Variants in CTSV observed in about 807,000 individuals in gnomAD.
CTSV encodes cathepsin L2.
CTSV carries 33 observed loss-of-function variants against 35.6 expected under a neutral mutation model. That is an observed-to-expected ratio of 0.93 (90% confidence interval 0.70 to 1.24). CTSV has a LOEUF of 1.24. CTSV is among the 50% of genes most tolerant of loss of function. The pLI is 0.00. For missense variants in CTSV, 408 were observed against 413.1 expected, an observed-to-expected ratio of 0.99 and a Z score of 0.11; for synonymous variants, 154 against 147.1, an observed-to-expected ratio of 1.05 and a Z score of -0.34.
Position 97,034,810 on chromosome 9 carries a change from T to G in CTSV, c.821A>C (p.Asn274Thr). ...AACCACCAGAACACCATGATCCAGG[T>G]TTTTGCTGCTGCAGTCTGGTTCAAA... is the stretch of plus-strand genomic sequence containing the variant. ...IYFEPDCSSK[N>T]LDHGVLVVGY... Residue 274 changes from asparagine (N) to threonine (T), a missense_variant, in exon 7 of 8, where the codon AAC becomes ACC. Physicochemically the swap from Asn to Thr is moderately conservative, Grantham distance 65. Coordinates refer to ENST00000259470, the MANE Select transcript of CTSV (RefSeq NM_001333.4). 6.2e-7 allele frequency: 1 copy of G among 1,613,976 alleles called. No individual in the cohort carries two copies.
At position 97,029,703 on chromosome 9, in the gene CTSV, T is replaced by C. The variant is rs1437314330; in HGVS notation, c.*3246A>G. ...TGCAGCTTAGTAATAGTTTTACTTA[T>C]TAACTTACTTAAAAAGAGATAATGA... On this transcript the variant is annotated 3_prime_UTR_variant, in exon 8 of 8. Transcript: ENST00000259470. 2 of 152,238 alleles carry C rather than the reference T, an allele frequency of 1.3e-5. No individual in the cohort carries two copies. Among genetic ancestry groups the C allele is most frequent in the African/African-American group, 4.8e-5 (2 of 41,468 alleles). The allele number at this position is 152,238 out of a possible 1,614,324, so 9.4% of individuals were successfully genotyped here. A position where few individuals can be genotyped will look rare whatever the true frequency, so the allele number is the denominator to read the frequency against.
At chr9:97,036,273 G>C (rs1828848199) in intron 5 of CTSV, 1 of 499,290 alleles carries the variant, frequency 2.0e-6, no homozygotes, top group African/African-American at 1.9e-5. Flanking sequence ...GGGTTTCACT[G>C]TGTTAGCCAG....
chr9:97,031,654 T>A lies in CTSV; in HGVS notation c.*1295A>T, dbSNP rs1213846515. On this transcript the variant is annotated 3_prime_UTR_variant, in exon 8 of 8. Transcript: ENST00000259470. Reference sequence around the variant, plus strand: ...TATATGCTTAGCCTTTTTCCCCCCATTTTGAGTTTATTTTTAATTCAGGGA... The same window carrying A: ...TATATGCTTAGCCTTTTTCCCCCCAATTTGAGTTTATTTTTAATTCAGGGA... 6.6e-6 allele frequency: 1 copy of A among 152,120 alleles called. No individual in the cohort carries two copies. Among genetic ancestry groups the A allele is most frequent in the Admixed American group, 6.5e-5 (1 of 15,268 alleles). 9.4% of individuals were successfully genotyped at this position (152,120 alleles called of 1,614,324 possible). A position where few individuals can be genotyped will look rare whatever the true frequency, so the allele number is the denominator to read the frequency against.
At chr9:97,038,104 A>G (rs1433418301) in intron 1 of CTSV, 51 bp from the exon 2 acceptor site, 11 of 1,538,996 alleles carry the variant, frequency 7.1e-6, no homozygotes, top group Non-Finnish European at 9.8e-6. Context: ...CTAAAAAGCC[A>G]TCTTACAGCC....
intron 2 of CTSV, 115 bp from the exon 3 acceptor site, chr9:97,037,730 T>C (rs563886938): frequency 1.4e-6 from 2 of 1,471,250 alleles, no homozygotes; most frequent in South Asian, 1.3e-5. Context: ...GGGTTGATAC[T>C]TCTCTGGGAG....
chr9:97,034,755 A>T lies in CTSV; in HGVS notation c.876T>A (p.Asn292Lys), dbSNP rs761976907. ...VGYGFEGANSNNSKYWLVKNS... is the reference protein window; with the variant it reads ...VGYGFEGANSKNSKYWLVKNS... ...TTTTGACGAGCCAATACTTGCTGTT[A>T]TTCGAATTTGCTCCTTCAAAGCCGT... The change falls in exon 7 of 8, where the codon AAT becomes AAA. Residue 292 changes from asparagine (N) to lysine (K), a missense_variant. Coordinates refer to ENST00000259470, the MANE Select transcript of CTSV (RefSeq NM_001333.4). 113 of 1,613,938 alleles carry T rather than the reference A, an allele frequency of 7.0e-5. No individual in the cohort carries two copies. Among genetic ancestry groups the T allele is most frequent in the Non-Finnish European group, 8.8e-5 (104 of 1,179,954 alleles).
rs1388413182 is a variant in CTSV at position 97,033,045 on chromosome 9, C to T, written c.909G>A (p.Trp303Ter). The T allele has an allele frequency of 6.2e-7, 1 of 1,607,788 alleles. No homozygotes were observed. Among genetic ancestry groups the T allele is most frequent in the Non-Finnish European group, 8.5e-7 (1 of 1,177,588 alleles). Residue 303 changes from tryptophan to a stop codon, truncating the protein, a stop_gained, in exon 8 of 8, where the codon TGG (tryptophan) becomes TGA (stop). Transcript: ENST00000259470. LOFTEE classifies it low-confidence loss of function (END_TRUNC). Reference sequence around the variant, plus strand: ...AGCCATTCGAGCCCCATTCTGGACCCCAGCTGAAAGAGGAGCAGGTTTTCC... The same window carrying T: ...AGCCATTCGAGCCCCATTCTGGACCTCAGCTGAAAGAGGAGCAGGTTTTCC... ...NSKYWLVKNS[W>*]GPEWGSNGYV...
chr9:97,037,440 TTGG>T (rs776011445), intron 3 of CTSV, 42 bp from the exon 4 acceptor site: 1 of 1,613,740 alleles, frequency 6.2e-7, no homozygotes, highest in East Asian at 2.2e-5. Context: ...CAAGACTATT[TTGG>T]TGAAGAACTG....
intron 7 of CTSV, among the ~76,000 whole-genome samples, chr9:97,034,012 A>G (rs1391035628): frequency 6.6e-6 from 1 of 152,110 alleles, no homozygotes; most frequent in African/African-American, 2.4e-5. Flanking sequence ...CAGGAGAATC[A>G]CTTGAACTCA....
chr9:97,037,640 G>C, intron 2 of CTSV, 25 bp from the exon 3 acceptor site: 1 of 1,611,608 alleles, frequency 6.2e-7, no homozygotes, highest in Non-Finnish European at 8.5e-7. Context: ...ATAGCTGGTG[G>C]ACTTTATGTC....
At position 97,033,058 on chromosome 9, in the gene CTSV, GAGC is replaced by G; in HGVS notation, c.906-13_906-11del. The G allele has an allele frequency of 6.3e-7, 1 of 1,596,350 alleles. No homozygotes were observed. The highest frequency in any genetic ancestry group is 1.1e-5 in the South Asian group (1 of 88,710). On this transcript the variant is annotated splice_polypyrimidine_tract_variant and intron_variant, in intron 7 of 7. Transcript: ENST00000259470. ...CCATTCTGGACCCCAGCTGAAAGAG[GAGC>G]AGGTTTTCCATTTTATACAAGGAAT...
intron 7 of CTSV, among the ~76,000 whole-genome samples, 199 bp from the exon 8 acceptor site, chr9:97,033,247 T>C (rs916379394): frequency 1.3e-5 from 2 of 151,202 alleles, no homozygotes; most frequent in African/African-American, 2.4e-5. Context: ...GAGGCCGAGG[T>C]GGGCAGATCA....
chr9:97,036,807 A>C, intron 4 of CTSV, 60 bp from the exon 5 acceptor site: 1 of 1,331,806 alleles, frequency 7.5e-7, no homozygotes, highest in Non-Finnish European at 1.0e-6. Context: ...ACAGTACCCC[A>C]TAATTGAATT....
intron 7 of CTSV, 115 bp from the exon 8 acceptor site, chr9:97,033,163 A>T: frequency 1.5e-6 from 1 of 645,302 alleles, no homozygotes; most frequent in Non-Finnish European, 2.7e-6. Context: ...ACTATTCTAA[A>T]TGCTGTTAAT....
intron 6 of CTSV, among the ~76,000 whole-genome samples, chr9:97,035,282 A>G (rs1247927107): frequency 1.3e-5 from 2 of 152,234 alleles, no homozygotes; most frequent in African/African-American, 4.8e-5. Context: ...TGAGAAAAAA[A>G]GGCCCAACAA....
rs373003440 is a variant in CTSV, at chr9:97,037,890, C to T, written c.126+28G>A. ...AGCGAGGACCATTCTCTCCAGAGTC[C>T]CTCTGGACAGTTTCAGATGTTACCA... On this transcript the variant is annotated intron_variant, in intron 2 of 7. Coordinates refer to ENST00000259470, the MANE Select transcript of CTSV (RefSeq NM_001333.4). 32 of 1,610,490 alleles carry T rather than the reference C, an allele frequency of 2.0e-5. No individual in the cohort carries two copies. The African/African-American group carries it at 3.5e-4, about 17-fold the overall frequency.
At chr9:97,034,625 T>C in intron 7 of CTSV, 101 bp downstream of exon 7, 1 of 872,676 alleles carries the variant, frequency 1.1e-6, no homozygotes, top group Non-Finnish European at 1.9e-6. Flanking sequence ...TCACTCTAAG[T>C]AGAAGAAAGA....
chr9:97,035,123 C>G (rs888810729), intron 6 of CTSV, among the ~76,000 whole-genome samples: 4 of 152,204 alleles, frequency 2.6e-5, no homozygotes, highest in African/African-American at 9.6e-5. Flanking sequence ...TTGTTTACAG[C>G]TAAGGTGATT....
chr9:97,037,870 G>C (rs1332995904), intron 2 of CTSV, 48 bp downstream of exon 2: 1 of 1,603,850 alleles, frequency 6.2e-7, no homozygotes, highest in Non-Finnish European at 8.5e-7. Flanking sequence ...CCAACAGCGA[G>C]GACCATTCTC....
Sources: gnomAD v4.1 joint callset for allele counts (sites outside exome capture counted in the v4.1 genomes callset) on GRCh38, gnomAD v4.1.1 for gene constraint, MANE v1.5 for transcripts, NCBI Gene and HGNC (gene_info 2026-07-23, HGNC 2026-07-21) for gene names.